The following SECISBP2L variants were observed in gnomAD, a reference collection of about 807,000 sequenced individuals.
SECISBP2L encodes the protein selenocysteine insertion sequence-binding protein 2-like.
A neutral mutation model predicts 114.7 loss-of-function variants in SECISBP2L; 43 were observed. That is an observed-to-expected ratio of 0.38 (90% CI 0.29 to 0.48). The LOEUF (loss-of-function observed/expected upper bound fraction) is 0.48. Ranked by LOEUF, SECISBP2L falls within the 20% of genes least tolerant of loss-of-function variation. The probability of loss-of-function intolerance (pLI) is 0.98; values close to 1 mark genes in which losing one functional copy is unlikely to be tolerated. For synonymous variants in SECISBP2L, 451 were observed against 439.7 expected (o/e 1.03, Z -0.32); for missense variants, 1,136 against 1,301.1 (o/e 0.87, Z 1.95).
In SECISBP2L at chr15:49,035,548, T is replaced by G; in HGVS notation, c.314A>C (p.Glu105Ala). 1 of 1,614,188 alleles carries G rather than the reference T, an allele frequency of 6.2e-7. No homozygotes were observed. The highest frequency in any genetic ancestry group is 8.5e-7 in the Non-Finnish European group (1 of 1,180,016). The change falls in exon 3 of 18, where the codon GAG (glutamate) becomes GCG (alanine). Residue 105 changes from glutamate (E) to alanine (A), a missense_variant. Physicochemically the swap from Glu to Ala is moderately radical, Grantham distance 107. Around this residue, in one of 2 missense-constraint regions of SECISBP2L, gnomAD observed 452 missense variants for 452.3 expected, o/e 1.00. Transcript: ENST00000559471. ...TGGCATCAGCTGATAATATGTATAC[T>G]CTGTAGAAACAGGCGGCTGAGCAGA... ...IISAQPPVST[E>A]YTYYQLMPAP... is the part of the protein sequence containing the mutation.
At chr15:49,024,321 C>T (rs1902698621) in intron 7 of SECISBP2L, among the ~76,000 whole-genome samples, 1 of 151,886 alleles carries the variant, frequency 6.6e-6, no homozygotes, top group Non-Finnish European at 1.5e-5. Context: ...CATAGTGAAA[C>T]CCTGTTTCTA....
chr15:49,042,102 A>T (rs1365689799), intron 1 of SECISBP2L, among the ~76,000 whole-genome samples: 1 of 152,190 alleles, frequency 6.6e-6, no homozygotes, highest in Admixed American at 6.5e-5. Flanking sequence ...TTACTTTTTT[A>T]AAAAACCAGC....
intron 16 of SECISBP2L, among the ~76,000 whole-genome samples, chr15:48,999,395 T>C (rs1316183267): frequency 6.6e-6 from 1 of 152,146 alleles, no homozygotes; most frequent in Non-Finnish European, 1.5e-5. Flanking sequence ...GGTACAATCA[T>C]TGTGACAATT....
intron 10 of SECISBP2L, 51 bp downstream of exon 10, chr15:49,016,797 T>C (rs375701048): frequency 3.5e-4 from 556 of 1,581,644 alleles, no homozygotes; most frequent in Non-Finnish European, 4.5e-4. Context: ...ATCTATTCCA[T>C]CAAACCTAGC....
chr15:49,033,811 G>A (rs1902946526), intron 3 of SECISBP2L, among the ~76,000 whole-genome samples: 1 of 152,184 alleles, frequency 6.6e-6, no homozygotes, highest in African/African-American at 2.4e-5. Flanking sequence ...CAGTCTGGCT[G>A]ACAGAGACCG....
In SECISBP2L at chr15:49,028,758, T is replaced by C. The variant is rs74014911; in HGVS notation, c.665-76A>G. 665 of 1,261,014 alleles carry C rather than the reference T, an allele frequency of 5.3e-4. 4 individuals are homozygous for C. The African/African-American group carries it at 9.1e-3, about 17-fold the overall frequency. 78.1% of individuals were successfully genotyped at this position (1,261,014 alleles called of 1,614,324 possible). On this transcript the variant is annotated intron_variant, in intron 4 of 17. Transcript: ENST00000559471. ...AATTCTCATTAAATCATCATTAAGA[T>C]TGTAAGAAAATAGATACCAAACTTC...
Position 49,028,046 on chromosome 15 carries a change from T to G in SECISBP2L, c.919+98A>C, listed in dbSNP as rs189971192. 119 of 1,087,348 alleles carry G rather than the reference T, an allele frequency of 1.1e-4. No homozygotes were observed. The East Asian group carries it at 2.9e-3, about 26-fold the overall frequency. The allele number at this position is 1,087,348 out of a possible 1,614,324, so 67.4% of individuals were successfully genotyped here. A position where few individuals can be genotyped will look rare whatever the true frequency, so the allele number is the denominator to read the frequency against. On this transcript the variant is annotated intron_variant, in intron 6 of 17. Coordinates refer to ENST00000559471, the MANE Select transcript of SECISBP2L (RefSeq NM_001193489.2). ...CTTGAATCTCTGGAAGACTTCTAAGTTTTTTTTGCAGTATCAGCAAGCCTC... is the reference window on the plus strand; with the variant it reads ...CTTGAATCTCTGGAAGACTTCTAAGGTTTTTTTGCAGTATCAGCAAGCCTC...
chr15:48,994,842 G>A (rs11631420), intron 17 of SECISBP2L, among the ~76,000 whole-genome samples: 62,623 of 132,702 alleles, frequency 0.47, 16,263 homozygotes, highest in African/African-American at 0.69. Flanking sequence ...AAGTGCTGGG[G>A]AAAAAAAAAA....
chr15:49,019,548 C>T lies in SECISBP2L; in HGVS notation c.1040G>A (p.Gly347Glu), dbSNP rs1267188866. 3.0e-5 allele frequency: 44 copies of T among 1,473,428 alleles called. No homozygotes were observed. Among genetic ancestry groups the T allele is most frequent in the Non-Finnish European group, 3.9e-5 (44 of 1,123,990 alleles). The allele number at this position is 1,473,428 out of a possible 1,614,324, so 91.3% of individuals were successfully genotyped here. A position where few individuals can be genotyped will look rare whatever the true frequency, so the allele number is the denominator to read the frequency against. The change falls in exon 8 of 18, where the codon GGA becomes GAA. Residue 347 changes from glycine to glutamate, a missense_variant. This residue lies in a region of SECISBP2L where 452 missense variants were observed against 452.3 expected (regional missense o/e 1.00). Coordinates refer to ENST00000559471, the MANE Select transcript of SECISBP2L (RefSeq NM_001193489.2). ...AGTACTGTGTCCTCGGCATCTGAAT[C>T]CAACCTAAGTAAACCCCAGAGGGGA... ...QTEQRNNSQV[G>E]FRCRGHSTSS...
At chr15:49,017,833 C>A (rs1413838946) in intron 8 of SECISBP2L, 2 of 393,160 alleles carry the variant, frequency 5.1e-6, no homozygotes, top group Non-Finnish European at 9.0e-6. Flanking sequence ...CGTATCCACA[C>A]ATGTCCAGTT....
In SECISBP2L at chr15:49,009,274, T is replaced by C. The variant is rs528546517; in HGVS notation, c.1969A>G (p.Ile657Val). The C allele has an allele frequency of 2.8e-4, 454 of 1,614,172 alleles. 4 individuals are homozygous for C. The South Asian group carries it at 3.1e-3, about 11-fold the overall frequency. Residue 657 changes from isoleucine (I) to valine (V), a missense_variant, in exon 14 of 18, where the codon ATA (isoleucine) becomes GTA (valine). By Grantham distance (29) the Ile-to-Val change is conservative. This residue lies in a region of SECISBP2L where 684 missense variants were observed against 848.7 expected (regional missense o/e 0.81). Transcript: ENST00000559471. Reference sequence around the variant, plus strand: ...GTTGAAGATGCCATTGGACTGCCTATTCCAGAACTAGCAGGAGAGCCTTGT... The same window carrying C: ...GTTGAAGATGCCATTGGACTGCCTACTCCAGAACTAGCAGGAGAGCCTTGT... ...VSQGSPASSG[I>V]GSPMASSTIT... is the part of the protein sequence containing the mutation.
intron 7 of SECISBP2L, among the ~76,000 whole-genome samples, chr15:49,021,904 T>C (rs1173338706): frequency 1.3e-5 from 2 of 152,258 alleles, no homozygotes; most frequent in East Asian, 1.9e-4. Flanking sequence ...GTTTTGTTGA[T>C]AGAAAGAGGG....
intron 11 of SECISBP2L, chr15:49,013,212 C>A (rs1191256372): frequency 6.4e-6 from 1 of 156,070 alleles, no homozygotes; most frequent in African/African-American, 2.4e-5. Context: ...TATCACTTCT[C>A]TCCTTATTTC....
At chr15:49,001,195 G>A (rs966622481) in intron 14 of SECISBP2L, 98 bp from the exon 15 acceptor site, 14 of 747,074 alleles carry the variant, frequency 1.9e-5, no homozygotes, top group Admixed American at 3.3e-5. Context: ...AAATATATAT[G>A]GTAAGAAGTT....
rs904701798 is a variant in SECISBP2L, at chr15:48,990,868, TTGGGGGTGG to T, written c.*1367_*1375del. On this transcript the variant is annotated 3_prime_UTR_variant, in exon 18 of 18. Coordinates refer to ENST00000559471, the MANE Select transcript of SECISBP2L (RefSeq NM_001193489.2). ...TGTGTGAGGGGGGTGGGGGGGACAG[TTGGGGGTGG>T]TGGGGAGTTGGATGGAAGACAAAAA... is the stretch of plus-strand genomic sequence containing the variant. 2 of 70,362 alleles carry T rather than the reference TTGGGGGTGG, an allele frequency of 2.8e-5. No homozygotes were observed. Among genetic ancestry groups the T allele is most frequent in the African/African-American group, 5.6e-5 (1 of 17,868 alleles). 4.4% of individuals were successfully genotyped at this position (70,362 alleles called of 1,614,324 possible).
intron 13 of SECISBP2L, 137 bp downstream of exon 13, chr15:49,011,594 A>G: frequency 2.0e-6 from 2 of 1,025,568 alleles, no homozygotes; most frequent in Non-Finnish European, 1.4e-6. Flanking sequence ...AAAAGAAACC[A>G]CTCTGAAGAA....
chr15:49,045,702 C>G (rs1235731249), intron 1 of SECISBP2L, among the ~76,000 whole-genome samples: 1 of 152,134 alleles, frequency 6.6e-6, no homozygotes, highest in Admixed American at 6.5e-5. Context: ...AAAAAACCCA[C>G]TAATTACAAT....
At position 49,035,516 on chromosome 15, in the gene SECISBP2L, A is replaced by C; in HGVS notation, c.346T>G (p.Cys116Gly). 1 of 1,614,210 alleles carries C rather than the reference A, an allele frequency of 6.2e-7. No individual in the cohort carries two copies. The highest frequency in any genetic ancestry group is 8.5e-7 in the Non-Finnish European group (1 of 1,180,026). Reference protein sequence around the residue: ...YTYYQLMPAPCAQVMGFYHPF... With the variant: ...YTYYQLMPAPGAQVMGFYHPF... Reference sequence around the variant, plus strand: ...TGATAGAAACCCATAACCTGGGCACATGGTGCTGGCATCAGCTGATAATAT... The same window carrying C: ...TGATAGAAACCCATAACCTGGGCACCTGGTGCTGGCATCAGCTGATAATAT... The change falls in exon 3 of 18, where the codon TGT becomes GGT. Residue 116 changes from cysteine (C) to glycine (G), a missense_variant. This residue lies in a region of SECISBP2L where 452 missense variants were observed against 452.3 expected (regional missense o/e 1.00). Transcript: ENST00000559471.
At chr15:49,043,020 C>T (rs1199374499) in intron 1 of SECISBP2L, among the ~76,000 whole-genome samples, 1 of 152,144 alleles carries the variant, frequency 6.6e-6, no homozygotes, top group East Asian at 1.9e-4. Flanking sequence ...GAGTGAGACT[C>T]CGTCTCAAAA....
Sources: gnomAD v4.1 joint callset for allele counts (sites outside exome capture counted in the v4.1 genomes callset) on GRCh38, gnomAD v4.1.1 for gene constraint, gnomAD v4.1.1 regional missense constraint, MANE v1.5 for transcripts, NCBI Gene and HGNC (gene_info 2026-07-23, HGNC 2026-07-21) for gene names.